Variants in MAP3K13 observed in about 807,000 individuals in gnomAD.
MAP3K13 encodes mitogen-activated protein kinase kinase kinase 13, also known as leucine zipper-bearing kinase.
A neutral mutation model predicts 104.0 loss-of-function variants in MAP3K13; 52 were observed. The observed-to-expected ratio is 0.50, with a 90% confidence interval of 0.40 to 0.63. The LOEUF (loss-of-function observed/expected upper bound fraction) is 0.63. Ranked by LOEUF, MAP3K13 falls within the 20% of genes least tolerant of loss-of-function variation. The pLI, the probability that MAP3K13 is intolerant of heterozygous loss-of-function variation, is 0.00. For missense variants in MAP3K13, 914 were observed against 1,218.5 expected (o/e 0.75, Z 3.72); for synonymous variants, 394 against 442.2 (o/e 0.89, Z 1.37).
At position 185,450,023 on chromosome 3, in the gene MAP3K13, C is replaced by T. The variant is rs775794599; in HGVS notation, c.1134C>T (p.Cys378=). 1.2e-5 allele frequency: 19 copies of T among 1,612,462 alleles called. No individual in the cohort carries two copies. The South Asian group carries it at 1.9e-4, about 16-fold the overall frequency. ...TCCACCTTCCAGTTCCTTCCACTTG[C>T]CCTGATGGATTCAAAATCCTTATGA... The part of the protein sequence containing the change: ...NSLHLPVPST[C]PDGFKILMKQ... Residue 378 remains cysteine (C), a synonymous_variant, in exon 6 of 14, where the codon TGC becomes TGT. Transcript: ENST00000265026. The surrounding 1 kb of genome is among the most constrained non-coding windows in gnomAD (Gnocchi z 4.2).
chr3:185,467,960 T>C (rs1717551610), intron 10 of MAP3K13, among the ~76,000 whole-genome samples: 3 of 152,030 alleles, frequency 2.0e-5, no homozygotes, highest in Admixed American at 2.0e-4. Flanking sequence ...GCGCTTCACA[T>C]GGCTGGAATA....
intron 8 of MAP3K13, among the ~76,000 whole-genome samples, chr3:185,464,740 T>C (rs1192315829): frequency 1.3e-5 from 2 of 152,222 alleles, no homozygotes; most frequent in Non-Finnish European, 2.9e-5. Flanking sequence ...TAACGAACTT[T>C]AGACTGGATA....
chr3:185,376,548 G>A (rs1459292489), intron 1 of MAP3K13, among the ~76,000 whole-genome samples: 1 of 152,142 alleles, frequency 6.6e-6, no homozygotes, highest in Non-Finnish European at 1.5e-5. Flanking sequence ...AAAAGGGAGT[G>A]ATGAGTTAGG....
intron 2 of MAP3K13, among the ~76,000 whole-genome samples, chr3:185,316,822 T>C (rs1429960254): frequency 6.6e-6 from 1 of 152,180 alleles, no homozygotes; most frequent in Non-Finnish European, 1.5e-5. Context: ...GTGGCATTAG[T>C]ATCCCATCCT....
Position 185,465,803 on chromosome 3 carries a change from T to G in MAP3K13, c.1445T>G (p.Leu482Ter). The G allele has an allele frequency of 6.2e-7, 1 of 1,614,132 alleles. No individual in the cohort carries two copies. The highest frequency in any genetic ancestry group is 8.5e-7 in the Non-Finnish European group (1 of 1,179,980). Reference sequence around the variant, plus strand: ...CGGAAGCTTGAGCGGGCGAATAATTTATACATGGAATTGAGTGCCATCATG... The same window carrying G: ...CGGAAGCTTGAGCGGGCGAATAATTGATACATGGAATTGAGTGCCATCATG... The part of the protein sequence containing the change: ...YERKLERANN[L>*]YMELSAIMLQ... Residue 482 changes from leucine (L) to a stop codon, truncating the protein, a stop_gained, in exon 9 of 14, where the codon TTA (leucine) becomes TGA (stop). Transcript: ENST00000265026. LOFTEE classifies it high-confidence loss of function.
At chr3:185,402,343 T>C (rs1712862662) in intron 1 of MAP3K13, among the ~76,000 whole-genome samples, 1 of 152,190 alleles carries the variant, frequency 6.6e-6, no homozygotes, top group Admixed American at 6.5e-5. Context: ...TTTCTACAAA[T>C]TATTTTTATC....
At chr3:185,370,848 G>A (rs1017778102) in intron 1 of MAP3K13, among the ~76,000 whole-genome samples, 1 of 151,138 alleles carries the variant, frequency 6.6e-6, no homozygotes, top group Non-Finnish European at 1.5e-5. Flanking sequence ...TTGGTTGTAC[G>A]TTGTAGCCTT....
intron 2 of MAP3K13, chr3:185,328,891 G>A (rs1722137864): frequency 3.8e-6 from 1 of 266,208 alleles, no homozygotes; most frequent in African/African-American, 2.2e-5. Context: ...AGGGAGCAAA[G>A]TTTAGTTTAG....
In MAP3K13 at chr3:185,333,891, A is replaced by C. The variant is rs573308484; in HGVS notation, c.-86+48248A>C. ...CAACATGACAAAACGCTGTGTCTAC[A>C]AAAAATACAAAAATTAGCCCAGCAT... On this transcript the variant is annotated intron_variant, in intron 2 of 14. Coordinates refer to the MAP3K13 transcript ENST00000424227. 1.4e-3 allele frequency among the ~76,000 whole-genome samples: 206 copies of C among 152,180 alleles called. 1 individual carries two copies. The highest frequency in any genetic ancestry group is 2.5e-3 in the Non-Finnish European group (167 of 67,966).
intron 4 of MAP3K13, 98 bp from the exon 5 acceptor site, chr3:185,447,691 A>G (rs1056237297): frequency 1.2e-4 from 103 of 879,890 alleles, no homozygotes; most frequent in Non-Finnish European, 1.7e-4. Context: ...GCTACAAGAT[A>G]GGAAGTAGCA....
intron 2 of MAP3K13, among the ~76,000 whole-genome samples, chr3:185,343,742 CG>C (rs1382609924): frequency 6.6e-6 from 1 of 152,118 alleles, no homozygotes; most frequent in Non-Finnish European, 1.5e-5. Flanking sequence ...TAAGCCACTG[CG>C]CCTGGCTGGA....
intron 7 of MAP3K13, among the ~76,000 whole-genome samples, chr3:185,462,650 G>A (rs1717176857): frequency 6.6e-6 from 1 of 152,122 alleles, no homozygotes; most frequent in South Asian, 2.1e-4. Context: ...GCACGTTCCT[G>A]TAATCCCAGC....
At position 185,447,402 on chromosome 3, in the gene MAP3K13, G is replaced by GA. The variant is rs1314992699; in HGVS notation, c.852-383dup. Among the ~76,000 whole-genome samples the GA allele has an allele frequency of 1.0e-4, 14 of 134,074 alleles. No homozygotes were observed. In the East Asian group the frequency reaches 3.5e-3, roughly 33 times the overall value. 88.0% of individuals were successfully genotyped at this position (134,074 alleles called of 152,430 possible). ...GCTACTTGGGAGGCTGGGGCAAGGA[G>GA]AAAATCCCTTGAACCCGGGAGGCAG... On this transcript the variant is annotated intron_variant, in intron 4 of 13. Coordinates refer to ENST00000265026, the MANE Select transcript of MAP3K13 (RefSeq NM_004721.5).
intron 2 of MAP3K13, among the ~76,000 whole-genome samples, chr3:185,432,693 CAT>C (rs1714816333): frequency 6.6e-6 from 1 of 152,096 alleles, no homozygotes; most frequent in Non-Finnish European, 1.5e-5. Context: ...TCACCCAGCC[CAT>C]ATGTTTGTCA....
intron 2 of MAP3K13, among the ~76,000 whole-genome samples, chr3:185,436,533 T>C (rs1220743185): frequency 6.6e-6 from 1 of 152,154 alleles, no homozygotes; most frequent in Non-Finnish European, 1.5e-5. Flanking sequence ...ATGCCTTAGT[T>C]TTTTCATCTT....
intron 2 of MAP3K13, among the ~76,000 whole-genome samples, chr3:185,288,708 A>C (rs1431533023): frequency 6.6e-6 from 1 of 152,166 alleles, no homozygotes; most frequent in Non-Finnish European, 1.5e-5. Flanking sequence ...TTATTCACAG[A>C]GTCGAAATGA....
intron 2 of MAP3K13, among the ~76,000 whole-genome samples, chr3:185,317,804 C>T (rs1721729191): frequency 6.6e-6 from 1 of 152,048 alleles, no homozygotes; most frequent in South Asian, 2.1e-4. Flanking sequence ...ATTGATTCAT[C>T]TGTGGTGTAA....
At chr3:185,419,811 C>T (rs1251420967) in intron 1 of MAP3K13, among the ~76,000 whole-genome samples, 13 of 151,920 alleles carry the variant, frequency 8.6e-5, no homozygotes, top group Admixed American at 8.5e-4. Context: ...TAAATCATTC[C>T]TTTGGTCAAG....
Position 185,428,957 on chromosome 3 carries a change from G to A in MAP3K13, c.376G>A (p.Gly126Ser), listed in dbSNP as rs1342971515. 1.9e-6 allele frequency: 3 copies of A among 1,614,066 alleles called. No homozygotes were observed. The highest frequency in any genetic ancestry group is 1.3e-5 in the African/African-American group (1 of 74,928). Residue 126 changes from glycine (G) to serine (S), a missense_variant, in exon 2 of 14, where the codon GGC becomes AGC. Around this residue, in one of 3 missense-constraint regions of MAP3K13, gnomAD observed 156 missense variants for 159.8 expected, o/e 0.98. Coordinates refer to ENST00000265026, the MANE Select transcript of MAP3K13 (RefSeq NM_004721.5). ...IKIQFSRSGS[G>S]SGGFLEGLFG... ...GATTCAGTTCAGCAGGTCAGGCAGTGGCAGTGGTGGGTTTCTTGAAGGACT... is the reference window on the plus strand; with the variant it reads ...GATTCAGTTCAGCAGGTCAGGCAGTAGCAGTGGTGGGTTTCTTGAAGGACT...
Sources: gnomAD v4.1 joint callset for allele counts (sites outside exome capture counted in the v4.1 genomes callset) on GRCh38, gnomAD v4.1.1 for gene constraint, gnomAD v4.1.1 regional missense constraint, Gnocchi (gnomAD v3.1) non-coding constraint, MANE v1.5 for transcripts, NCBI Gene and HGNC (gene_info 2026-07-23, HGNC 2026-07-21) for gene names.